ACER3: variants seen among roughly 807,000 people sequenced by gnomAD.
The protein encoded by ACER3 is alkCDase 3.
ACER3 carries 16 observed loss-of-function variants against 48.9 expected under a neutral mutation model. The ratio of observed to expected loss-of-function variants is 0.33; its 90% CI spans 0.22 to 0.50. The LOEUF (loss-of-function observed/expected upper bound fraction) is 0.50, where lower values mean the gene tolerates loss of function less well. Among genes scored for constraint, ACER3 ranks in the 20% least tolerant of loss-of-function variants. The pLI, the probability that ACER3 is intolerant of heterozygous loss-of-function variation, is 0.98. For missense variants in ACER3, 227 were observed against 326.0 expected (o/e 0.70, Z 2.34); for synonymous variants, 109 against 107.8 (o/e 1.01, Z -0.07).
At chr11:76,920,946 A>AT (rs1946672963) in intron 1 of ACER3, among the ~76,000 whole-genome samples, 1 of 152,008 alleles carries the variant, frequency 6.6e-6, no homozygotes, top group Non-Finnish European at 1.5e-5. Flanking sequence ...GGCTGAAACC[A>AT]TTTTTTTACC....
intron 2 of ACER3, among the ~76,000 whole-genome samples, chr11:76,935,886 T>G (rs115465041): frequency 0.011 from 1,611 of 152,330 alleles, 26 homozygotes; most frequent in Middle Eastern, 0.041. Context: ...TATTGGGCAG[T>G]GCAGATATAG....
At position 76,998,687 on chromosome 11, in the gene ACER3, T is replaced by C. The variant is rs1281314948; in HGVS notation, c.439-76T>C. 4.1e-6 allele frequency: 4 copies of C among 986,508 alleles called. No homozygotes were observed. The African/African-American group carries it at 5.1e-5, about 13-fold the overall frequency. 61.1% of individuals were successfully genotyped at this position (986,508 alleles called of 1,614,324 possible). A position where few individuals can be genotyped will look rare whatever the true frequency, so the allele number is the denominator to read the frequency against. ...AATATTTACATTTAATTGGGAAGGCTATTTTGGTAGGCAAAATAGACTTCC... is the reference window on the plus strand; with the variant it reads ...AATATTTACATTTAATTGGGAAGGCCATTTTGGTAGGCAAAATAGACTTCC... On this transcript the variant is annotated intron_variant, in intron 6 of 10. Coordinates refer to ENST00000532485, the MANE Select transcript of ACER3 (RefSeq NM_018367.7).
chr11:76,916,723 G>A (rs1269867807), intron 1 of ACER3, among the ~76,000 whole-genome samples: 1 of 152,128 alleles, frequency 6.6e-6, no homozygotes, highest in Non-Finnish European at 1.5e-5. Flanking sequence ...ACATAGTTTG[G>A]AAACTTTCCC....
intron 2 of ACER3, among the ~76,000 whole-genome samples, chr11:76,952,830 T>G (rs1168815346): frequency 1.3e-5 from 2 of 151,506 alleles, no homozygotes; most frequent in East Asian, 3.9e-4. Context: ...CACACCTGGC[T>G]AATTTTTGTA....
At chr11:76,950,391 AT>A in intron 2 of ACER3, among the ~76,000 whole-genome samples, 2 of 30,438 alleles carry the variant, frequency 6.6e-5, no homozygotes, top group South Asian at 1.0e-3. Context: ...ATATATATAT[AT>A]ATATATATAT....
At chr11:76,883,642 G>A (rs1945593843) in intron 1 of ACER3, among the ~76,000 whole-genome samples, 1 of 151,648 alleles carries the variant, frequency 6.6e-6, no homozygotes, top group Non-Finnish European at 1.5e-5. Flanking sequence ...ACGGAGTTTC[G>A]CCATGTTGGC....
At chr11:76,961,141 G>T (rs1478505649) in intron 3 of ACER3, among the ~76,000 whole-genome samples, 1 of 152,098 alleles carries the variant, frequency 6.6e-6, no homozygotes, top group African/African-American at 2.4e-5. Context: ...TGCATACAGG[G>T]TAATTAATCA....
At chr11:76,886,052 A>C (rs1945663727) in intron 1 of ACER3, among the ~76,000 whole-genome samples, 1 of 152,250 alleles carries the variant, frequency 6.6e-6, no homozygotes, top group South Asian at 2.1e-4. Context: ...TAATTGTGAT[A>C]AATGCTGTAA....
At chr11:77,010,548 T>C (rs570688348) in intron 7 of ACER3, among the ~76,000 whole-genome samples, 56 of 150,422 alleles carry the variant, frequency 3.7e-4, no homozygotes, top group African/African-American at 1.3e-3. Flanking sequence ...AGGCAGAGAA[T>C]AGAGAAAATG....
intron 2 of ACER3, among the ~76,000 whole-genome samples, chr11:76,928,299 G>C (rs927959035): frequency 6.6e-6 from 1 of 152,066 alleles, no homozygotes; most frequent in African/African-American, 2.4e-5. Context: ...CCCACTTTTT[G>C]ATGGGGTTGT....
At chr11:76,952,616 G>C (rs554734642) in intron 2 of ACER3, among the ~76,000 whole-genome samples, 1 of 148,200 alleles carries the variant, frequency 6.7e-6, no homozygotes, top group Non-Finnish European at 1.5e-5. Flanking sequence ...GAAAAAACTT[G>C]AAAGAAACAA....
At chr11:77,017,712 A>G (rs1360477721) in intron 9 of ACER3, among the ~76,000 whole-genome samples, 1 of 152,210 alleles carries the variant, frequency 6.6e-6, no homozygotes, top group African/African-American at 2.4e-5. Flanking sequence ...TCTTGATTTC[A>G]AAATAAACAA....
intron 5 of ACER3, among the ~76,000 whole-genome samples, chr11:76,989,183 G>A: frequency 6.6e-6 from 1 of 151,118 alleles, no homozygotes; most frequent in Non-Finnish European, 1.5e-5. Context: ...TGGGTTTAGA[G>A]TTACAGATAT....
chr11:76,865,630 A>T (rs1945062803), intron 1 of ACER3, among the ~76,000 whole-genome samples: 2 of 146,796 alleles, frequency 1.4e-5, no homozygotes, highest in African/African-American at 5.1e-5. Context: ...TGCCTCAGCC[A>T]CCCACATAAC....
chr11:76,922,257 C>T (rs994972340), intron 1 of ACER3, among the ~76,000 whole-genome samples: 1 of 152,114 alleles, frequency 6.6e-6, no homozygotes, highest in African/African-American at 2.4e-5. Flanking sequence ...TAAGACCCTC[C>T]TGCACTCCCT....
intron 2 of ACER3, among the ~76,000 whole-genome samples, chr11:76,955,863 C>T (rs925503228): frequency 2.6e-4 from 40 of 152,042 alleles, no homozygotes; most frequent in African/African-American, 9.2e-4. Flanking sequence ...ATTATTCGTC[C>T]ATAAAAAGGA....
At chr11:76,914,169 C>T (rs1183783065) in intron 1 of ACER3, among the ~76,000 whole-genome samples, 1 of 152,148 alleles carries the variant, frequency 6.6e-6, no homozygotes, top group Non-Finnish European at 1.5e-5. Flanking sequence ...ACACCAAAAG[C>T]ATGGCAACAA....
intron 3 of ACER3, among the ~76,000 whole-genome samples, chr11:76,975,602 C>A (rs77997904): frequency 6.6e-6 from 1 of 151,960 alleles, no homozygotes; most frequent in Admixed American, 6.6e-5. Context: ...ACTGATAGGA[C>A]CTATGGACCT....
At chr11:76,994,187 A>T in intron 6 of ACER3, 1 of 453,330 alleles carries the variant, frequency 2.2e-6, no homozygotes, top group South Asian at 1.6e-5. Flanking sequence ...GCTGAAGTGC[A>T]ATGGCACAAT....
Sources: allele counts gnomAD v4.1 joint callset (sites outside exome capture counted in the v4.1 genomes callset), GRCh38; gene constraint gnomAD v4.1.1; transcripts MANE v1.5; gene names NCBI Gene and HGNC (gene_info 2026-07-23, HGNC 2026-07-21).